The following CLSTN2 variants were observed in gnomAD, a reference collection of about 807,000 sequenced individuals.
The protein encoded by CLSTN2 is calsyntenin-2.
CLSTN2 carries 48 observed loss-of-function variants against 101.2 expected under a neutral mutation model. That is an observed-to-expected ratio of 0.47 (90% confidence interval 0.38 to 0.60). CLSTN2 has a LOEUF of 0.60. Ranked by LOEUF, CLSTN2 falls within the 20% of genes least tolerant of loss-of-function variation. The probability of loss-of-function intolerance (pLI) is 0.00; values close to 1 mark genes in which losing one functional copy is unlikely to be tolerated. For synonymous variants in CLSTN2, 481 were observed against 463.6 expected (o/e 1.04, Z -0.48); for missense variants, 1,160 against 1,238.2 (o/e 0.94, Z 0.95).
At chr3:140,390,274 G>A (rs1415746627) in intron 2 of CLSTN2, among the ~76,000 whole-genome samples, 1 of 152,020 alleles carries the variant, frequency 6.6e-6, no homozygotes, top group African/African-American at 2.4e-5. Flanking sequence ...GCACAGAATT[G>A]ACTGCATCCC....
intron 1 of CLSTN2, among the ~76,000 whole-genome samples, chr3:140,086,548 T>C (rs1444773931): frequency 6.6e-6 from 1 of 152,234 alleles, no homozygotes; most frequent in African/African-American, 2.4e-5. Flanking sequence ...TTGCTGTTAT[T>C]GTAATTACAA....
intron 8 of CLSTN2, among the ~76,000 whole-genome samples, chr3:140,510,507 A>G (rs1934787500): frequency 6.6e-6 from 1 of 152,182 alleles, no homozygotes. Flanking sequence ...TCGAAGCACA[A>G]ATTACAAGGA....
intron 1 of CLSTN2, among the ~76,000 whole-genome samples, chr3:140,171,895 T>C (rs927974150): frequency 1.6e-5 from 2 of 128,018 alleles, no homozygotes; most frequent in Admixed American, 9.7e-5. Context: ...TTATATAATA[T>C]ATATTATATA....
Position 140,513,259 on chromosome 3 carries a change from C to G in CLSTN2, c.1345-19065C>G, listed in dbSNP as rs185230430. ...GGCTGTGTGTTTGTCATAGATGGCT[C>G]TTAGTATTTTTAGGTATGTCCCTTC... is the stretch of plus-strand genomic sequence containing the variant. On this transcript the variant is annotated intron_variant, in intron 8 of 16. Coordinates refer to ENST00000458420, the MANE Select transcript of CLSTN2 (RefSeq NM_022131.3). 2.7e-3 allele frequency among the ~76,000 whole-genome samples: 416 copies of G among 152,194 alleles called. 2 individuals carry two copies. Among genetic ancestry groups the G allele is most frequent in the Non-Finnish European group, 4.9e-3 (335 of 67,990 alleles).
intron 2 of CLSTN2, among the ~76,000 whole-genome samples, chr3:140,296,776 G>T (rs974319623): frequency 6.6e-6 from 1 of 152,158 alleles, no homozygotes; most frequent in African/African-American, 2.4e-5. Flanking sequence ...CATAGCAAAG[G>T]CTATATTGTC....
intron 1 of CLSTN2, among the ~76,000 whole-genome samples, chr3:139,975,225 G>C (rs1199525743): frequency 6.6e-6 from 1 of 152,136 alleles, no homozygotes; most frequent in South Asian, 2.1e-4. Flanking sequence ...CTCAAGAACT[G>C]GGGTGGGAGG....
At chr3:139,966,529 A>G (rs1935601276) in intron 1 of CLSTN2, among the ~76,000 whole-genome samples, 2 of 151,972 alleles carry the variant, frequency 1.3e-5, no homozygotes, top group African/African-American at 2.4e-5. Flanking sequence ...ATCCTTATTC[A>G]TCTTTTCAGA....
chr3:140,345,215 C>G (rs2087533419), intron 2 of CLSTN2, among the ~76,000 whole-genome samples: 1 of 151,036 alleles, frequency 6.6e-6, no homozygotes, highest in South Asian at 2.1e-4. Context: ...ATCCAAGATC[C>G]AAGACAGGGT....
intron 2 of CLSTN2, among the ~76,000 whole-genome samples, chr3:140,269,614 A>C (rs2086723410): frequency 6.6e-6 from 1 of 151,836 alleles, no homozygotes; most frequent in Non-Finnish European, 1.5e-5. Context: ...TTCTGGAAAG[A>C]AAAGCTTTCG....
intron 2 of CLSTN2, among the ~76,000 whole-genome samples, chr3:140,372,666 C>T (rs2087871527): frequency 6.6e-6 from 1 of 152,098 alleles, no homozygotes; most frequent in Non-Finnish European, 1.5e-5. Context: ...GTGAGATGGC[C>T]ATTTGACCAT....
chr3:140,323,489 A>G (rs1460039132), intron 2 of CLSTN2, among the ~76,000 whole-genome samples: 2 of 152,224 alleles, frequency 1.3e-5, no homozygotes, highest in African/African-American at 4.8e-5. Context: ...AGCCTCATAG[A>G]TAAAATGATT....
chr3:139,985,289 G>GT (rs1304064425), intron 1 of CLSTN2, among the ~76,000 whole-genome samples: 1 of 152,178 alleles, frequency 6.6e-6, no homozygotes, highest in Non-Finnish European at 1.5e-5. Context: ...GGTGGACCGA[G>GT]TCTAGTACGA....
At chr3:139,975,705 C>T (rs966354017) in intron 1 of CLSTN2, among the ~76,000 whole-genome samples, 2 of 152,156 alleles carry the variant, frequency 1.3e-5, no homozygotes, top group Non-Finnish European at 2.9e-5. Context: ...AGCATCCAGG[C>T]CAGGCTGACA....
chr3:140,118,459 G>A (rs1039654941), intron 1 of CLSTN2, among the ~76,000 whole-genome samples: 2 of 152,184 alleles, frequency 1.3e-5, no homozygotes, highest in Admixed American at 1.3e-4. Flanking sequence ...GCATGTCAAA[G>A]AGGAATGCTC....
intron 1 of CLSTN2, among the ~76,000 whole-genome samples, chr3:139,940,948 T>C (rs1459221759): frequency 6.6e-6 from 1 of 152,140 alleles, no homozygotes; most frequent in Non-Finnish European, 1.5e-5. Flanking sequence ...TGGTGTGATC[T>C]GGGTTGTAAG....
At chr3:140,164,732 G>C (rs191363909) in intron 1 of CLSTN2, among the ~76,000 whole-genome samples, 1 of 152,230 alleles carries the variant, frequency 6.6e-6, no homozygotes, top group African/African-American at 2.4e-5. Context: ...TCCTAGCCTT[G>C]CTCTTGGTTC....
intron 5 of CLSTN2, among the ~76,000 whole-genome samples, chr3:140,433,708 G>T (rs903308305): frequency 6.6e-6 from 1 of 152,184 alleles, no homozygotes; most frequent in African/African-American, 2.4e-5. Flanking sequence ...AGTACCTATC[G>T]CAGAGGGTTG....
intron 2 of CLSTN2, among the ~76,000 whole-genome samples, chr3:140,246,033 G>A (rs957439885): frequency 6.6e-6 from 1 of 152,136 alleles, no homozygotes; most frequent in African/African-American, 2.4e-5. Context: ...GTGAATCTGC[G>A]ACTGTAAATA....
At chr3:140,021,151 G>A (rs1045664041) in intron 1 of CLSTN2, among the ~76,000 whole-genome samples, 1 of 152,128 alleles carries the variant, frequency 6.6e-6, no homozygotes, top group Non-Finnish European at 1.5e-5. Context: ...CCAGGTCTCC[G>A]TCCATGGGGG....
Sources: gnomAD v4.1 joint callset for allele counts (sites outside exome capture counted in the v4.1 genomes callset) on GRCh38, gnomAD v4.1.1 for gene constraint, MANE v1.5 for transcripts, NCBI Gene and HGNC (gene_info 2026-07-23, HGNC 2026-07-21) for gene names.